The following TBC1D22A variants were observed in gnomAD, a reference collection of about 807,000 sequenced individuals.
TBC1D22A encodes the protein putative GTPase activator.
TBC1D22A carries 38 observed loss-of-function variants against 60.2 expected under a neutral mutation model. That is an observed-to-expected ratio of 0.63 (90% CI 0.49 to 0.83). The LOEUF (loss-of-function observed/expected upper bound fraction) is 0.83, where lower values mean the gene tolerates loss of function less well. Ranked by LOEUF, TBC1D22A falls within the 40% of genes least tolerant of loss-of-function variation. The probability of loss-of-function intolerance (pLI) is 0.00; values close to 1 mark genes in which losing one functional copy is unlikely to be tolerated. For synonymous variants in TBC1D22A, 302 were observed against 281.7 expected, an observed-to-expected ratio of 1.07 and a Z score of -0.72; for missense variants, 628 against 701.0, an observed-to-expected ratio of 0.90 and a Z score of 1.18.
intron 4 of TBC1D22A, among the ~76,000 whole-genome samples, chr22:46,834,824 G>T (rs80147663): frequency 0.023 from 3,546 of 152,244 alleles, 152 homozygotes; most frequent in African/African-American, 0.081. Flanking sequence ...TCCCTTCCTT[G>T]GCAGCTGGCA....
rs114866856 is a variant in TBC1D22A, at chr22:46,974,440, C to T, written c.1125+41C>T. On this transcript the variant is annotated intron_variant, in intron 9 of 12. Coordinates refer to ENST00000337137, the MANE Select transcript of TBC1D22A (RefSeq NM_014346.5). ...CACGGGACACAGCCCACGCCCACAG[C>T]CCCTGCGGTGAAGAGAGCCTGAGGC... is the stretch of plus-strand genomic sequence containing the variant. 7,104 of 1,538,042 alleles carry T rather than the reference C, an allele frequency of 4.6e-3. 118 individuals carry two copies. The African/African-American group carries it at 0.046, about 10-fold the overall frequency.
chr22:47,112,214 C>T (rs772092977), intron 12 of TBC1D22A, among the ~76,000 whole-genome samples: 6 of 152,232 alleles, frequency 3.9e-5, no homozygotes, highest in East Asian at 3.9e-4. Flanking sequence ...TGAGGCGTCC[C>T]GGGCACACTG....
intron 10 of TBC1D22A, among the ~76,000 whole-genome samples, chr22:47,013,802 G>A (rs763118749): frequency 1.3e-5 from 2 of 152,204 alleles, no homozygotes; most frequent in Non-Finnish European, 2.9e-5. Flanking sequence ...CTAGACCCTG[G>A]ACTGTGAGTA....
intron 1 of TBC1D22A, among the ~76,000 whole-genome samples, chr22:46,791,176 G>A (rs925775183): frequency 5.3e-5 from 8 of 152,094 alleles, no homozygotes; most frequent in Admixed American, 4.6e-4. Flanking sequence ...ATGTCACCAC[G>A]CCCAGCCAAT....
chr22:46,781,157 T>TTA (rs1452538879), intron 1 of TBC1D22A, among the ~76,000 whole-genome samples: 1 of 150,752 alleles, frequency 6.6e-6, no homozygotes, highest in African/African-American at 2.5e-5. Flanking sequence ...TTTTTTTTTT[T>TTA]AGACAGGGTG....
chr22:46,907,320 C>G lies in TBC1D22A; in HGVS notation c.901-4754C>G, dbSNP rs904934101. 5.3e-5 allele frequency among the ~76,000 whole-genome samples: 8 copies of G among 152,172 alleles called. 1 individual carries two copies. Among genetic ancestry groups the G allele is most frequent in the Non-Finnish European group, 1.0e-4 (7 of 68,040 alleles). ...TCAATGGAGTTACTTCTGCCCCTTC[C>G]TCTCTGTGCATTTTTCCACTCAGAC... On this transcript the variant is annotated intron_variant, in intron 7 of 12. Coordinates refer to ENST00000337137, the MANE Select transcript of TBC1D22A (RefSeq NM_014346.5).
rs914044770 is a variant in TBC1D22A at position 47,174,803 on chromosome 22, G to C, written c.*1177G>C. The C allele has an allele frequency of 6.1e-5, 9 of 146,892 alleles. No individual in the cohort carries two copies. The highest frequency in any genetic ancestry group is 2.2e-4 in the African/African-American group (9 of 41,000). 9.1% of individuals were successfully genotyped at this position (146,892 alleles called of 1,614,324 possible). ...GGTTCCCGCTGTGGACTGGTTCCTT[G>C]GGGCTCTAAGTGCGGAAGGGCCCAG... On this transcript the variant is annotated 3_prime_UTR_variant, in exon 13 of 13. Transcript: ENST00000337137.
rs1363592047 is a variant in TBC1D22A at position 46,790,730 on chromosome 22, GC to G, written c.63-1789del. 3.3e-5 allele frequency among the ~76,000 whole-genome samples: 5 copies of G among 152,308 alleles called. No homozygotes were observed. The East Asian group carries it at 9.6e-4, about 29-fold the overall frequency. On this transcript the variant is annotated intron_variant, in intron 1 of 12. Coordinates refer to ENST00000337137, the MANE Select transcript of TBC1D22A (RefSeq NM_014346.5). ...AGACCACTGTTCTCTTGTTGAATGA[GC>G]AGTGGTGTGTGGTGTTGACACTGCT...
At chr22:46,921,724 C>G (rs530028676) in intron 8 of TBC1D22A, among the ~76,000 whole-genome samples, 3 of 151,426 alleles carry the variant, frequency 2.0e-5, no homozygotes, top group Admixed American at 2.0e-4. Flanking sequence ...AAAGCATTTT[C>G]TTTTGTCTAC....
At chr22:46,862,626 A>G (rs2087962870) in intron 4 of TBC1D22A, among the ~76,000 whole-genome samples, 1 of 152,134 alleles carries the variant, frequency 6.6e-6, no homozygotes, top group Non-Finnish European at 1.5e-5. Flanking sequence ...GTTTGGAGAC[A>G]GGGTAGGAGG....
chr22:47,149,611 C>T (rs1370033141), intron 12 of TBC1D22A, among the ~76,000 whole-genome samples: 2 of 152,236 alleles, frequency 1.3e-5, no homozygotes, highest in South Asian at 2.1e-4. Context: ...GGCCACCAGC[C>T]CTGCCCCGGG....
At chr22:46,924,614 G>A (rs2003680) in intron 8 of TBC1D22A, among the ~76,000 whole-genome samples, 78,020 of 151,812 alleles carry the variant, frequency 0.51, 21,485 homozygotes, top group East Asian at 0.71. Context: ...GCATGGTGGC[G>A]CATGCCTGTA....
chr22:47,089,066 A>G (rs2064813515), intron 11 of TBC1D22A, among the ~76,000 whole-genome samples: 1 of 152,220 alleles, frequency 6.6e-6, no homozygotes, highest in African/African-American at 2.4e-5. Context: ...AGCAGGACAG[A>G]GAAGCAAGAA....
intron 10 of TBC1D22A, among the ~76,000 whole-genome samples, chr22:47,023,181 T>C (rs1040216077): frequency 1.3e-5 from 2 of 152,200 alleles, no homozygotes; most frequent in African/African-American, 4.8e-5. Context: ...ATGGAAGTTA[T>C]AAAAATGATC....
rs144620675 is a variant in TBC1D22A, at chr22:47,031,489, G to A, written c.1202-5582G>A. Among the ~76,000 whole-genome samples the A allele has an allele frequency of 1.6e-4, 24 of 152,352 alleles. No individual in the cohort carries two copies. The East Asian group carries it at 2.3e-3, about 15-fold the overall frequency. ...GCCTGTGAGGTTAACGCTGTGTCCG[G>A]TTTTCTGGTTAGTTCCTTGTGACCG... On this transcript the variant is annotated intron_variant, in intron 10 of 12. Coordinates refer to ENST00000337137, the MANE Select transcript of TBC1D22A (RefSeq NM_014346.5).
At chr22:46,857,944 T>C (rs1305816016) in intron 4 of TBC1D22A, among the ~76,000 whole-genome samples, 1 of 152,228 alleles carries the variant, frequency 6.6e-6, no homozygotes, top group Non-Finnish European at 1.5e-5. Context: ...TGGACATTCA[T>C]GCACACGTTT....
chr22:46,901,244 A>AC (rs2068975642), intron 7 of TBC1D22A, among the ~76,000 whole-genome samples: 1 of 152,358 alleles, frequency 6.6e-6, no homozygotes, highest in African/African-American at 2.4e-5. Flanking sequence ...CCACGCTGCC[A>AC]GACGTGGAAG....
intron 5 of TBC1D22A, among the ~76,000 whole-genome samples, chr22:46,886,037 A>T (rs1242269843): frequency 1.3e-5 from 2 of 151,664 alleles, no homozygotes; most frequent in East Asian, 3.9e-4. Context: ...CTTCCCGAGT[A>T]GCTGGGACTA....
chr22:46,783,873 C>G (rs1324883653), intron 1 of TBC1D22A, among the ~76,000 whole-genome samples: 2 of 152,142 alleles, frequency 1.3e-5, no homozygotes, highest in Non-Finnish European at 2.9e-5. Flanking sequence ...ATAGACATTG[C>G]TGAGCTCATC....
Sources: allele counts gnomAD v4.1 joint callset (sites outside exome capture counted in the v4.1 genomes callset), GRCh38; gene constraint gnomAD v4.1.1; transcripts MANE v1.5; gene names NCBI Gene and HGNC (gene_info 2026-07-23, HGNC 2026-07-21).